Variants in PCDHGB4 observed in about 807,000 individuals in gnomAD.
PCDHGB4 encodes the protein protocadherin gamma-B4.
PCDHGB4 carries 38 observed loss-of-function variants against 60.5 expected under a neutral mutation model. That is an observed-to-expected ratio of 0.63 (90% CI 0.48 to 0.82). PCDHGB4 has a LOEUF of 0.82. Among genes scored for constraint, PCDHGB4 ranks in the 40% least tolerant of loss-of-function variants. The pLI, the probability that PCDHGB4 is intolerant of heterozygous loss-of-function variation, is 0.00. For synonymous variants in PCDHGB4, 456 were observed against 509.7 expected (o/e 0.89, Z 1.42); for missense variants, 1,109 against 1,209.6 (o/e 0.92, Z 1.23).
intron 1 of PCDHGB4, among the ~76,000 whole-genome samples, chr5:141,450,782 C>T (rs1012152203): frequency 2.0e-5 from 3 of 151,350 alleles, no homozygotes; most frequent in East Asian, 1.9e-4. Flanking sequence ...CCACCGTGCC[C>T]GGACCTCATG....
At chr5:141,395,077 A>C (rs2093162583) in intron 1 of PCDHGB4, 1 of 1,614,024 alleles carries the variant, frequency 6.2e-7, no homozygotes, top group South Asian at 1.1e-5. Context: ...ACCTATTCCC[A>C]GGAAGTCTCC....
intron 1 of PCDHGB4, chr5:141,415,478 G>C: frequency 6.2e-7 from 1 of 1,614,082 alleles, no homozygotes; most frequent in Non-Finnish European, 8.5e-7. Flanking sequence ...GCGGACTCGC[G>C]AAAGAGTCAC....
At chr5:141,417,702 A>G (rs2096149298) in intron 1 of PCDHGB4, 2 of 1,199,336 alleles carry the variant, frequency 1.7e-6, no homozygotes, top group Non-Finnish European at 1.1e-6. Context: ...CAGCTCCCAC[A>G]CAGAGGCTCC....
chr5:141,511,135 G>A lies in PCDHGB4; in HGVS notation c.2734G>A (p.Gly912Ser), dbSNP rs200541479. Residue 912 changes from glycine to serine, a missense_variant, in exon 4 of 4, where the codon GGC becomes AGC. Physicochemically the swap from Gly to Ser is moderately conservative, Grantham distance 56. Coordinates refer to ENST00000519479, the MANE Select transcript of PCDHGB4 (RefSeq NM_003736.4). The stretch of plus-strand genomic sequence containing the variant: ...TGGCAAGGCCCCAGCAGGTGGCAAT[G>A]GCAACAAGAAGAAGTCGGGCAAGAA... ...RDGKAPAGGN[G>S]NKKKSGKKEK... 2.8e-4 allele frequency: 448 copies of A among 1,614,188 alleles called. No homozygotes were observed. Among genetic ancestry groups the A allele is most frequent in the Non-Finnish European group, 3.0e-4 (352 of 1,180,016 alleles).
At chr5:141,510,335 AC>A (rs1247622083) in intron 3 of PCDHGB4, among the ~76,000 whole-genome samples, 1 of 149,138 alleles carries the variant, frequency 6.7e-6, no homozygotes, top group African/African-American at 2.5e-5. Context: ...CTTCACCCCC[AC>A]CCCACACACT....
chr5:141,403,220 A>G (rs1340190547), intron 1 of PCDHGB4: 1 of 1,613,824 alleles, frequency 6.2e-7, no homozygotes, highest in Non-Finnish European at 8.5e-7. Context: ...CGCGGGTAGG[A>G]TAGACCGGGA....
chr5:141,403,217 A>G (rs763517467), intron 1 of PCDHGB4: 10 of 1,613,810 alleles, frequency 6.2e-6, no homozygotes, highest in East Asian at 2.2e-5. Context: ...CACCGCGGGT[A>G]GGATAGACCG....
chr5:141,418,016 G>C (rs772945671), intron 1 of PCDHGB4: 1 of 1,613,968 alleles, frequency 6.2e-7, no homozygotes, highest in Non-Finnish European at 8.5e-7. Context: ...CCTCGCTAAG[G>C]ATCTAGGGCT....
At chr5:141,455,634 G>C (rs1429708887) in intron 1 of PCDHGB4, among the ~76,000 whole-genome samples, 1 of 152,110 alleles carries the variant, frequency 6.6e-6, no homozygotes. Context: ...GAGATATGTG[G>C]GGGGCAGCCA....
Position 141,489,902 on chromosome 5 carries a change from C to T in PCDHGB4, c.2398-4905C>T. The T allele has an allele frequency of 6.2e-7, 1 of 1,614,218 alleles. No individual in the cohort carries two copies. The highest frequency in any genetic ancestry group is 8.5e-7 in the Non-Finnish European group (1 of 1,180,032). On this transcript the variant is annotated intron_variant, in intron 1 of 3. Transcript: ENST00000519479. This position sits in a 1 kb window ranked among gnomAD's most constrained non-coding sequence, Gnocchi z 4.5. Reference sequence around the variant, plus strand: ...ACTGCTGTGGATGGGGGGACCCCAGCCCGCTCAGGGACCACCCTTATCTCT... The same window carrying T: ...ACTGCTGTGGATGGGGGGACCCCAGTCCGCTCAGGGACCACCCTTATCTCT...
In PCDHGB4 at chr5:141,489,153, G is replaced by C; in HGVS notation, c.2398-5654G>C. Reference sequence around the variant, plus strand: ...TTTAAGAGGCTGGAAGGAGACATAAGAGACTTCAGCTGCTGCATTCCAAGC... The same window carrying C: ...TTTAAGAGGCTGGAAGGAGACATAACAGACTTCAGCTGCTGCATTCCAAGC... On this transcript the variant is annotated intron_variant, in intron 1 of 3. Coordinates refer to ENST00000519479, the MANE Select transcript of PCDHGB4 (RefSeq NM_003736.4). This position sits in a 1 kb window ranked among gnomAD's most constrained non-coding sequence, Gnocchi z 4.5. 1 of 935,832 alleles carries C rather than the reference G, an allele frequency of 1.1e-6. No individual in the cohort carries two copies. Among genetic ancestry groups the C allele is most frequent in the Non-Finnish European group, 1.6e-6 (1 of 627,178 alleles). The allele number at this position is 935,832 out of a possible 1,614,324, so 58.0% of individuals were successfully genotyped here.
At chr5:141,481,035 G>C (rs1342607604) in intron 1 of PCDHGB4, among the ~76,000 whole-genome samples, 1 of 152,094 alleles carries the variant, frequency 6.6e-6, no homozygotes, top group Non-Finnish European at 1.5e-5. Flanking sequence ...TCCAGCCTGG[G>C]CGACAGAGCG....
At chr5:141,399,107 G>A in intron 1 of PCDHGB4, 1 of 1,613,794 alleles carries the variant, frequency 6.2e-7, no homozygotes, top group Non-Finnish European at 8.5e-7. Flanking sequence ...GTTGCACAAT[G>A]TACAGTTGAA....
At position 141,489,888 on chromosome 5, in the gene PCDHGB4, T is replaced by TG. The variant is rs759744295; in HGVS notation, c.2398-4913dup. On this transcript the variant is annotated intron_variant, in intron 1 of 3. Coordinates refer to ENST00000519479, the MANE Select transcript of PCDHGB4 (RefSeq NM_003736.4). The surrounding 1 kb of genome is among the most constrained non-coding windows in gnomAD (Gnocchi z 4.5). ...ATCAGCTGGTGCTTACTGCTGTGGATGGGGGGACCCCAGCCCGCTCAGGGA... is the reference window on the plus strand; with the variant it reads ...ATCAGCTGGTGCTTACTGCTGTGGATGGGGGGGACCCCAGCCCGCTCAGGGA... 6.4e-5 allele frequency: 103 copies of TG among 1,614,088 alleles called. No individual in the cohort carries two copies. Among genetic ancestry groups the TG allele is most frequent in the Non-Finnish European group, 8.6e-5 (101 of 1,180,048 alleles).
At chr5:141,414,533 C>A in intron 1 of PCDHGB4, 1 of 1,613,960 alleles carries the variant, frequency 6.2e-7, no homozygotes, top group Non-Finnish European at 8.5e-7. Context: ...AATGACAACC[C>A]ACCTACCTTC....
At chr5:141,455,160 GT>G (rs59530096) in intron 1 of PCDHGB4, among the ~76,000 whole-genome samples, 102 of 149,212 alleles carry the variant, frequency 6.8e-4, no homozygotes, top group East Asian at 7.9e-4. Flanking sequence ...TAGTTTGTTG[GT>G]TTTTTTTTTA....
intron 1 of PCDHGB4, chr5:141,415,029 G>C (rs777967290): frequency 6.2e-7 from 1 of 1,613,552 alleles, no homozygotes; most frequent in South Asian, 1.1e-5. Flanking sequence ...CCAGCGAGCC[G>C]GGACTCTTCG....
At chr5:141,459,490 T>C (rs2098968649) in intron 1 of PCDHGB4, among the ~76,000 whole-genome samples, 1 of 152,236 alleles carries the variant, frequency 6.6e-6, no homozygotes, top group Non-Finnish European at 1.5e-5. Context: ...TATTCTGAAT[T>C]AAAGTGATGT....
intron 1 of PCDHGB4, chr5:141,433,110 G>T (rs1031253372): frequency 1.2e-6 from 2 of 1,614,098 alleles, no homozygotes; most frequent in East Asian, 4.5e-5. Context: ...AGCCAGGAGA[G>T]CTTTGAAAAA....
Sources: allele counts gnomAD v4.1 joint callset (sites outside exome capture counted in the v4.1 genomes callset), GRCh38; gene constraint gnomAD v4.1.1; non-coding constraint Gnocchi (gnomAD v3.1); transcripts MANE v1.5; gene names NCBI Gene and HGNC (gene_info 2026-07-23, HGNC 2026-07-21).